The following UBE2V2 variants were observed in gnomAD, a reference collection of about 807,000 sequenced individuals.
UBE2V2 encodes the protein ubiquitin-conjugating enzyme E2 variant 2.
UBE2V2 carries 9 observed loss-of-function variants against 17.2 expected under a neutral mutation model. The ratio of observed to expected loss-of-function variants is 0.52; its 90% confidence interval spans 0.32 to 0.91. The LOEUF is 0.91. Among genes scored for constraint, UBE2V2 ranks in the 40% least tolerant of loss-of-function variants. The pLI, the probability that UBE2V2 is intolerant of heterozygous loss-of-function variation, is 0.04. For missense variants in UBE2V2, 133 were observed against 182.6 expected, an observed-to-expected ratio of 0.73 and a Z score of 1.56; for synonymous variants, 61 against 57.5, an observed-to-expected ratio of 1.06 and a Z score of -0.28.
intron 1 of UBE2V2, among the ~76,000 whole-genome samples, chr8:48,036,756 G>A (rs930900524): frequency 2.0e-5 from 3 of 151,758 alleles, no homozygotes; most frequent in Admixed American, 6.6e-5. Flanking sequence ...TTTTTCAATT[G>A]ATGTTGATAC....
chr8:48,024,481 G>A (rs1179201435), intron 1 of UBE2V2, among the ~76,000 whole-genome samples: 1 of 152,016 alleles, frequency 6.6e-6, no homozygotes, highest in Non-Finnish European at 1.5e-5. Context: ...TGTAATCCCA[G>A]CTACTCAGGA....
chr8:48,056,052 C>T (rs1275059080), intron 3 of UBE2V2, among the ~76,000 whole-genome samples: 3 of 152,164 alleles, frequency 2.0e-5, no homozygotes, highest in Non-Finnish European at 2.9e-5. Context: ...GCCACGGTGC[C>T]CAGCCCACTT....
At chr8:48,005,993 G>C (rs571534560), upstream of UBE2V2, among the ~76,000 whole-genome samples, 4 of 152,210 alleles carry the variant, frequency 2.6e-5, no homozygotes, top group South Asian at 8.3e-4. Flanking sequence ...AGTTTCTTTT[G>C]CTGTGCAGAA....
chr8:48,041,336 G>A (rs557419030), intron 1 of UBE2V2, among the ~76,000 whole-genome samples: 292 of 152,030 alleles, frequency 1.9e-3, no homozygotes, highest in Admixed American at 5.0e-3. Flanking sequence ...ACAAAAATTA[G>A]CCGGGCATGG....
At chr8:48,035,897 A>C (rs2091421354) in intron 1 of UBE2V2, among the ~76,000 whole-genome samples, 1 of 151,310 alleles carries the variant, frequency 6.6e-6, no homozygotes, top group Non-Finnish European at 1.5e-5. Context: ...TCTCAAAAAA[A>C]AAATTGGAAG....
chr8:48,046,997 G>C (rs1215427586), intron 2 of UBE2V2, among the ~76,000 whole-genome samples: 1 of 150,754 alleles, frequency 6.6e-6, no homozygotes, highest in Non-Finnish European at 1.5e-5. Context: ...CTGGAGTTCA[G>C]TGACACTATC....
intron 1 of UBE2V2, among the ~76,000 whole-genome samples, chr8:48,041,299 C>T (rs956167725): frequency 1.6e-4 from 25 of 151,694 alleles, no homozygotes; most frequent in African/African-American, 5.1e-4. Context: ...CTGGCCAACA[C>T]GGTGAAACTC....
chr8:48,010,645 G>A (rs2091222489), intron 1 of UBE2V2, among the ~76,000 whole-genome samples: 1 of 149,820 alleles, frequency 6.7e-6, no homozygotes, highest in South Asian at 2.1e-4. Context: ...TCGTGATCCG[G>A]CCTCCCAAAT....
At chr8:48,008,324 T>A, upstream of UBE2V2, 2 of 1,255,944 alleles carry the variant, frequency 1.6e-6, no homozygotes, top group Non-Finnish European at 2.0e-6. Context: ...ACGTGCGCGC[T>A]GTCCCTCGGG....
intron 1 of UBE2V2, among the ~76,000 whole-genome samples, chr8:48,019,550 C>T (rs1370373054): frequency 2.0e-5 from 3 of 150,856 alleles, no homozygotes; most frequent in Non-Finnish European, 4.4e-5. Flanking sequence ...GGCATGGTGG[C>T]TCATGCCTGT....
chr8:48,050,208 A>G (rs1208037944), intron 3 of UBE2V2: 3 of 289,904 alleles, frequency 1.0e-5, no homozygotes, highest in Non-Finnish European at 1.9e-5. Flanking sequence ...CCTAGAATAG[A>G]TGCATGTGGT....
At chr8:48,019,838 G>T (rs2091293155) in intron 1 of UBE2V2, among the ~76,000 whole-genome samples, 1 of 152,032 alleles carries the variant, frequency 6.6e-6, no homozygotes, top group African/African-American at 2.4e-5. Flanking sequence ...AGCCAGGCAT[G>T]GTGCCATATG....
At chr8:48,039,541 G>C (rs901805396) in intron 1 of UBE2V2, among the ~76,000 whole-genome samples, 2 of 152,164 alleles carry the variant, frequency 1.3e-5, no homozygotes, top group East Asian at 3.9e-4. Context: ...ATTTCTAGGA[G>C]GAATTATTTC....
At chr8:48,047,529 A>C (rs1262166278) in intron 2 of UBE2V2, among the ~76,000 whole-genome samples, 2 of 151,600 alleles carry the variant, frequency 1.3e-5, no homozygotes, top group Non-Finnish European at 2.9e-5. Context: ...CTTGCTTTTT[A>C]TTAGATAACA....
At chr8:48,008,100 T>G (rs2154506497), upstream of UBE2V2, among the ~76,000 whole-genome samples, 1 of 152,218 alleles carries the variant, frequency 6.6e-6, no homozygotes, top group East Asian at 1.9e-4. Context: ...TTTTGTATTT[T>G]TAGTAGAGAC....
At chr8:48,017,565 A>G (rs1311443252) in intron 1 of UBE2V2, among the ~76,000 whole-genome samples, 1 of 151,472 alleles carries the variant, frequency 6.6e-6, no homozygotes, top group Non-Finnish European at 1.5e-5. Flanking sequence ...TAGAGACGGG[A>G]TTTCTCCATG....
At position 48,063,573 on chromosome 8, in the gene UBE2V2, T is replaced by G. The variant is rs1802624919; in HGVS notation, c.*2745T>G. ...TGTCCTGTTAGGTCAGTGTTATGATTTAATGGTTTTAATTACTTAACCAAT... is the reference window on the plus strand; with the variant it reads ...TGTCCTGTTAGGTCAGTGTTATGATGTAATGGTTTTAATTACTTAACCAAT... On this transcript the variant is annotated 3_prime_UTR_variant, in exon 4 of 4. Coordinates refer to ENST00000523111, the MANE Select transcript of UBE2V2 (RefSeq NM_003350.3). 6.6e-6 allele frequency: 1 copy of G among 152,198 alleles called. No individual in the cohort carries two copies. The highest frequency in any genetic ancestry group is 6.5e-5 in the Admixed American group (1 of 15,274). The allele number at this position is 152,198 out of a possible 1,614,324, so 9.4% of individuals were successfully genotyped here.
rs967879892 is a variant in UBE2V2, at chr8:48,041,339, G to A, written c.17-1694G>A. Among the ~76,000 whole-genome samples, 11 of 152,082 alleles carry A rather than the reference G, an allele frequency of 7.2e-5. No individual in the cohort carries two copies. In the East Asian group the frequency reaches 1.7e-3, roughly 24 times the overall value. On this transcript the variant is annotated intron_variant, in intron 1 of 3. Transcript: ENST00000523111. ...TTTACTAAAAATACAAAAATTAGCC[G>A]GGCATGGTGTTGCACGCCTGTAATC...
chr8:47,998,546 T>G, the UBE2V2 span, among the ~76,000 whole-genome samples: 47 of 151,994 alleles, frequency 3.1e-4, no homozygotes, highest in Non-Finnish European at 5.9e-4. Flanking sequence ...CTCTTTTTAC[T>G]CACCCTGGCG....
Sources: gnomAD v4.1 joint callset for allele counts (sites outside exome capture counted in the v4.1 genomes callset) on GRCh38, gnomAD v4.1.1 for gene constraint, MANE v1.5 for transcripts, NCBI Gene and HGNC (gene_info 2026-07-23, HGNC 2026-07-21) for gene names.